KIZ: variants seen among roughly 807,000 people sequenced by gnomAD.
The protein encoded by KIZ is kizuna centrosomal protein, also known as centrosomal protein kizuna.
A neutral mutation model predicts 79.6 loss-of-function variants in KIZ; 68 were observed. The ratio of observed to expected loss-of-function variants is 0.85; its 90% CI spans 0.70 to 1.05. The LOEUF is 1.05. Ranked by LOEUF, KIZ falls within the 50% of genes least tolerant of loss-of-function variation. The pLI is 0.00. For synonymous variants in KIZ, 280 were observed against 281.8 expected (o/e 0.99, Z 0.06); for missense variants, 797 against 800.4 (o/e 1.00, Z 0.05).
chr20:21,226,251 AG>A (rs1281968978), intron 9 of KIZ: 1 of 152,350 alleles, frequency 6.6e-6, no homozygotes, highest in Non-Finnish European at 1.5e-5. Context: ...GCTACAGGGC[AG>A]GCCCTTCCTG....
chr20:21,174,988 G>A (rs2034372509), intron 6 of KIZ, among the ~76,000 whole-genome samples: 1 of 152,208 alleles, frequency 6.6e-6, no homozygotes, highest in Admixed American at 6.5e-5. Flanking sequence ...GATGCCTTCA[G>A]ATGTCTGTTC....
At chr20:21,126,033 G>T, upstream of KIZ, 2 of 1,391,442 alleles carry the variant, frequency 1.4e-6, no homozygotes, top group Non-Finnish European at 1.9e-6. Flanking sequence ...TTTACCCGCG[G>T]TGCATGGTGG....
intron 6 of KIZ, chr20:21,166,255 T>A: frequency 6.3e-7 from 1 of 1,598,316 alleles, no homozygotes; most frequent in Admixed American, 1.7e-5. Context: ...TCGTCTTGCT[T>A]CTTCATGGTC....
intron 4 of KIZ, among the ~76,000 whole-genome samples, chr20:21,158,974 A>G (rs1028927972): frequency 1.0e-5 from 1 of 96,448 alleles, no homozygotes; most frequent in Non-Finnish European, 2.6e-5. Flanking sequence ...ATACATATAT[A>G]TACACATATA....
At chr20:21,230,501 A>T (rs999225209) in intron 10 of KIZ, among the ~76,000 whole-genome samples, 3 of 152,226 alleles carry the variant, frequency 2.0e-5, no homozygotes, top group African/African-American at 7.2e-5. Flanking sequence ...TTTCAGACAG[A>T]TATTTTCAAG....
chr20:21,198,993 A>G (rs1250658918), intron 6 of KIZ, among the ~76,000 whole-genome samples: 1 of 152,180 alleles, frequency 6.6e-6, no homozygotes, highest in African/African-American at 2.4e-5. Flanking sequence ...TTTCTTTCTC[A>G]CTGCCTTTTA....
rs182799346 is a variant in KIZ, at chr20:21,133,880, G to A, written c.152+1721G>A. ...GCAGTGTAGACTACCCTTCTGCTCC[G>A]CACAGTGTCTAATCCTGCGAAAGGA... On this transcript the variant is annotated intron_variant, in intron 2 of 12. Transcript: ENST00000619189. Among the ~76,000 whole-genome samples, 136 of 152,290 alleles carry A rather than the reference G, an allele frequency of 8.9e-4. 1 individual carries two copies. The highest frequency in any genetic ancestry group is 3.0e-3 in the African/African-American group (125 of 41,564).
Position 21,145,628 on chromosome 20 carries a change from G to A in KIZ, c.379G>A (p.Glu127Lys). 1.3e-6 allele frequency: 2 copies of A among 1,518,654 alleles called. No individual in the cohort carries two copies. Among genetic ancestry groups the A allele is most frequent in the Non-Finnish European group, 1.8e-6 (2 of 1,122,112 alleles). The allele number at this position is 1,518,654 out of a possible 1,614,324, so 94.1% of individuals were successfully genotyped here. Residue 127 changes from glutamate to lysine, a missense_variant, in exon 4 of 13, where the codon GAA (glutamate) becomes AAA (lysine). Transcript: ENST00000619189. ...CSKDSLGLKE[E>K]LTDEDREKVA... ...AAAAGATAGCCTGGGACTAAAAGAG[G>A]AACTGACAGATGAAGACAGAGAAAA...
chr20:21,172,849 T>G (rs2034270830), intron 6 of KIZ, among the ~76,000 whole-genome samples: 1 of 152,190 alleles, frequency 6.6e-6, no homozygotes, highest in Non-Finnish European at 1.5e-5. Context: ...TTTATACTTC[T>G]TCTCTCCTCT....
At chr20:21,235,843 G>C (rs2036987558) in intron 11 of KIZ, among the ~76,000 whole-genome samples, 1 of 152,240 alleles carries the variant, frequency 6.6e-6, no homozygotes, top group South Asian at 2.1e-4. Flanking sequence ...GGCCAGTGGA[G>C]GGCGCCAGCC....
chr20:21,169,463 A>T (rs1214856890), intron 6 of KIZ, among the ~76,000 whole-genome samples: 1 of 152,188 alleles, frequency 6.6e-6, no homozygotes, highest in East Asian at 1.9e-4. Flanking sequence ...AAATAGGAAC[A>T]CTTTTACACT....
intron 11 of KIZ, among the ~76,000 whole-genome samples, chr20:21,235,130 A>C (rs1031272455): frequency 6.6e-6 from 1 of 152,242 alleles, no homozygotes; most frequent in Admixed American, 6.5e-5. Flanking sequence ...GCTGCTTTGC[A>C]TAGCAATGAC....
At chr20:21,128,449 T>G (rs553319785) in intron 1 of KIZ, among the ~76,000 whole-genome samples, 1 of 152,282 alleles carries the variant, frequency 6.6e-6, no homozygotes, top group African/African-American at 2.4e-5. Flanking sequence ...CAGAAACTTC[T>G]GGGAAGTGGG....
chr20:21,204,050 C>T (rs1294630093), intron 6 of KIZ, among the ~76,000 whole-genome samples: 1 of 148,844 alleles, frequency 6.7e-6, no homozygotes, highest in African/African-American at 2.5e-5. Flanking sequence ...AGTATTTGTC[C>T]TTTTCTGACT....
At chr20:21,147,963 G>T (rs973590754) in intron 4 of KIZ, among the ~76,000 whole-genome samples, 9 of 143,050 alleles carry the variant, frequency 6.3e-5, no homozygotes, top group Non-Finnish European at 9.1e-5. Context: ...CCTGGAATTT[G>T]TGTGTGTGTG....
At chr20:21,234,307 T>C (rs529659604) in intron 11 of KIZ, among the ~76,000 whole-genome samples, 133 of 152,020 alleles carry the variant, frequency 8.7e-4, no homozygotes, top group African/African-American at 3.1e-3. Flanking sequence ...TGAAATTAAT[T>C]TCCTAATAAA....
Position 21,186,222 on chromosome 20 carries a change from G to T in KIZ, c.1353-19269G>T, listed in dbSNP as rs552858527. 2.0e-5 allele frequency among the ~76,000 whole-genome samples: 3 copies of T among 152,116 alleles called. No homozygotes were observed. The East Asian group carries it at 5.8e-4, about 29-fold the overall frequency. The stretch of plus-strand genomic sequence containing the variant: ...TTTCAGGTGTTCTGCCACCTTAAAC[G>T]TTGAAAAGCACTGCTTTCCAGGATA... On this transcript the variant is annotated intron_variant, in intron 6 of 12. Transcript: ENST00000619189.
At chr20:21,134,561 C>T (rs1199232622) in intron 2 of KIZ, among the ~76,000 whole-genome samples, 1 of 151,928 alleles carries the variant, frequency 6.6e-6, no homozygotes, top group Non-Finnish European at 1.5e-5. Flanking sequence ...TTTTTGCCGT[C>T]GAGCTTTCTG....
In KIZ at chr20:21,141,821, ACACTCT is replaced by A. The variant is rs1319128208; in HGVS notation, c.316-3742_316-3737del. Among the ~76,000 whole-genome samples, 796 of 111,152 alleles carry A rather than the reference ACACTCT, an allele frequency of 7.2e-3. 6 individuals are homozygous for A. Among genetic ancestry groups the A allele is most frequent in the African/African-American group, 0.024 (720 of 29,920 alleles). The allele number at this position is 111,152 out of a possible 152,430, so 72.9% of individuals were successfully genotyped here. On this transcript the variant is annotated intron_variant, in intron 3 of 12. Transcript: ENST00000619189. ...CCAACACACACACACACACACACAC[ACACTCT>A]CTCTCTCTCTCTCTCTCTCTCTGTG...
Sources: allele counts gnomAD v4.1 joint callset (sites outside exome capture counted in the v4.1 genomes callset), GRCh38; gene constraint gnomAD v4.1.1; transcripts MANE v1.5; gene names NCBI Gene and HGNC (gene_info 2026-07-23, HGNC 2026-07-21).